Variants in OSBPL10 observed in about 807,000 individuals in gnomAD.
The protein encoded by OSBPL10 is oxysterol-binding protein-related protein 10.
A neutral mutation model predicts 81.7 loss-of-function variants in OSBPL10; 49 were observed. That is an observed-to-expected ratio of 0.60 (90% CI 0.48 to 0.76). The LOEUF (loss-of-function observed/expected upper bound fraction) is 0.76. Ranked by LOEUF, OSBPL10 falls within the 30% of genes least tolerant of loss-of-function variation. The pLI is 0.00. For synonymous variants in OSBPL10, 419 were observed against 383.6 expected, an observed-to-expected ratio of 1.09 and a Z score of -1.08; for missense variants, 923 against 987.8, an observed-to-expected ratio of 0.93 and a Z score of 0.88.
chr3:31,687,905 T>C (rs1457728500), intron 7 of OSBPL10, among the ~76,000 whole-genome samples: 2 of 146,230 alleles, frequency 1.4e-5, no homozygotes, highest in Non-Finnish European at 3.0e-5. Flanking sequence ...ATAATAATAA[T>C]AATAATAATA....
intron 2 of OSBPL10, among the ~76,000 whole-genome samples, chr3:32,016,146 C>T (rs148142292): frequency 2.0e-5 from 3 of 152,198 alleles, no homozygotes; most frequent in South Asian, 2.1e-4. Context: ...CACATGCACA[C>T]GTATGTTTAT....
At chr3:31,758,839 G>T (rs1472500887) in intron 4 of OSBPL10, among the ~76,000 whole-genome samples, 2 of 152,102 alleles carry the variant, frequency 1.3e-5, no homozygotes, top group Non-Finnish European at 2.9e-5. Flanking sequence ...TGGCCACCTT[G>T]TTCAGTATAA....
At chr3:31,939,145 T>G (rs1355178102) in intron 1 of OSBPL10, among the ~76,000 whole-genome samples, 2 of 98,870 alleles carry the variant, frequency 2.0e-5, no homozygotes, top group African/African-American at 8.4e-5. Context: ...TCTCTCATCC[T>G]TTTTTTTTTT....
intron 6 of OSBPL10, chr3:31,714,912 C>T (rs1382538651): frequency 1.3e-5 from 2 of 151,328 alleles, no homozygotes; most frequent in African/African-American, 2.4e-5. Flanking sequence ...CCCAGACACC[C>T]ACTGCTCTGT....
chr3:31,948,316 G>C (rs1697762160), intron 1 of OSBPL10, among the ~76,000 whole-genome samples: 1 of 152,128 alleles, frequency 6.6e-6, no homozygotes, highest in South Asian at 2.1e-4. Flanking sequence ...CATCTCTCTG[G>C]AAACCATCCA....
At chr3:31,691,824 G>A (rs1284436382) in intron 7 of OSBPL10, among the ~76,000 whole-genome samples, 1 of 152,016 alleles carries the variant, frequency 6.6e-6, no homozygotes, top group Non-Finnish European at 1.5e-5. Flanking sequence ...AAACAAGCAA[G>A]CAGAGAGGCC....
intron 1 of OSBPL10, among the ~76,000 whole-genome samples, chr3:32,051,706 T>C (rs1699671117): frequency 6.6e-6 from 1 of 152,180 alleles, no homozygotes; most frequent in African/African-American, 2.4e-5. Flanking sequence ...GGTTCCACCC[T>C]GAAGCCAGTA....
intron 2 of OSBPL10, among the ~76,000 whole-genome samples, chr3:32,018,427 G>A (rs1699334149): frequency 6.6e-6 from 1 of 152,152 alleles, no homozygotes; most frequent in African/African-American, 2.4e-5. Context: ...ATGCCTGTAT[G>A]TTTGCTTTAA....
intron 4 of OSBPL10, among the ~76,000 whole-genome samples, chr3:31,773,480 G>T (rs1698441978): frequency 6.6e-6 from 1 of 152,210 alleles, no homozygotes; most frequent in South Asian, 2.1e-4. Flanking sequence ...GAATCACTTA[G>T]AAATGTTGCT....
intron 4 of OSBPL10, among the ~76,000 whole-genome samples, chr3:31,753,018 G>C (rs141422935): frequency 1.2e-3 from 183 of 152,238 alleles, no homozygotes; most frequent in African/African-American, 4.1e-3. Context: ...CATACAATTT[G>C]ATGCCACATA....
chr3:31,722,244 C>T (rs1445407679), intron 6 of OSBPL10, among the ~76,000 whole-genome samples: 1 of 152,170 alleles, frequency 6.6e-6, no homozygotes, highest in East Asian at 1.9e-4. Context: ...TTGATTGCTC[C>T]GTCAAGGAAC....
intron 1 of OSBPL10, among the ~76,000 whole-genome samples, chr3:31,929,215 C>G (rs572168105): frequency 6.6e-6 from 1 of 152,284 alleles, no homozygotes; most frequent in Admixed American, 6.5e-5. Context: ...TTTCCAACAT[C>G]ATAAAATATA....
intron 2 of OSBPL10, among the ~76,000 whole-genome samples, chr3:31,876,926 C>CG (rs1701489252): frequency 7.9e-6 from 1 of 126,096 alleles, no homozygotes; most frequent in Non-Finnish European, 1.6e-5. Flanking sequence ...TTTTTTGAGA[C>CG]GGAGTCTCGC....
chr3:32,031,342 C>T (rs1224197748), intron 2 of OSBPL10, among the ~76,000 whole-genome samples: 1 of 151,792 alleles, frequency 6.6e-6, no homozygotes, highest in Non-Finnish European at 1.5e-5. Context: ...GTATTTAAAA[C>T]TTTTTTATTT....
intron 4 of OSBPL10, among the ~76,000 whole-genome samples, chr3:31,781,536 G>C (rs940078661): frequency 6.6e-6 from 1 of 151,960 alleles, no homozygotes; most frequent in Non-Finnish European, 1.5e-5. Flanking sequence ...ACTGTTTGCT[G>C]ATGTATACCT....
At chr3:31,692,511 T>C (rs1444413245) in intron 7 of OSBPL10, among the ~76,000 whole-genome samples, 65 of 151,904 alleles carry the variant, frequency 4.3e-4, no homozygotes, top group African/African-American at 1.5e-3. Context: ...CTAAAATGAC[T>C]CACAATGCCC....
At chr3:31,763,501 C>A (rs1250931528) in intron 4 of OSBPL10, among the ~76,000 whole-genome samples, 1 of 151,998 alleles carries the variant, frequency 6.6e-6, no homozygotes, top group Non-Finnish European at 1.5e-5. Context: ...TATGGAAATT[C>A]TTTTATTTTG....
upstream of OSBPL10, among the ~76,000 whole-genome samples, chr3:31,982,205 TTC>T (rs1466579204): frequency 1.3e-5 from 2 of 152,174 alleles, no homozygotes; most frequent in Non-Finnish European, 2.9e-5. Context: ...CATTGAAGGA[TTC>T]TCTGTGTTGG....
chr3:31,737,420 G>C (rs544105811), intron 5 of OSBPL10, among the ~76,000 whole-genome samples: 1 of 152,068 alleles, frequency 6.6e-6, no homozygotes, highest in East Asian at 1.9e-4. Flanking sequence ...CACCAGGAAA[G>C]GTGTTTCCTC....
Sources: gnomAD v4.1 joint callset for allele counts (sites outside exome capture counted in the v4.1 genomes callset) on GRCh38, gnomAD v4.1.1 for gene constraint, MANE v1.5 for transcripts, NCBI Gene and HGNC (gene_info 2026-07-23, HGNC 2026-07-21) for gene names.